The following BRINP3 variants were observed in gnomAD, a reference collection of about 807,000 sequenced individuals.
The protein encoded by BRINP3 is BMP/retinoic acid-inducible neural-specific protein 3.
Under a neutral mutation model 71.0 loss-of-function variants are expected in BRINP3, and 19 were observed. That is an observed-to-expected ratio of 0.27 (90% CI 0.19 to 0.39). BRINP3 has a LOEUF of 0.39. BRINP3 is among the 10% of genes least tolerant of loss of function. The pLI, the probability that BRINP3 is intolerant of heterozygous loss-of-function variation, is 1.00. For missense variants in BRINP3, 959 were observed against 940.8 expected, an observed-to-expected ratio of 1.02 and a Z score of -0.25; for synonymous variants, 380 against 337.7, an observed-to-expected ratio of 1.13 and a Z score of -1.37.
intron 1 of BRINP3, among the ~76,000 whole-genome samples, chr1:190,476,998 AC>A (rs2102734751): frequency 6.6e-6 from 1 of 152,332 alleles, no homozygotes; most frequent in South Asian, 2.1e-4. Flanking sequence ...CTTATCATGA[AC>A]AAATGCTGAC....
In BRINP3 at chr1:190,133,998, T is replaced by C. The variant is rs1336911208; in HGVS notation, c.1184+26670A>G. Among the ~76,000 whole-genome samples the C allele has an allele frequency of 3.9e-5, 6 of 152,214 alleles. No individual in the cohort carries two copies. In the South Asian group the frequency reaches 1.2e-3, roughly 32 times the overall value. On this transcript the variant is annotated intron_variant, in intron 7 of 7. Transcript: ENST00000367462. Reference sequence around the variant, plus strand: ...ACCCCAAAACCACTTACTACATTTCTTGTGTTGGGGGATTTAAAATACAAC... The same window carrying C: ...ACCCCAAAACCACTTACTACATTTCCTGTGTTGGGGGATTTAAAATACAAC...
chr1:190,343,387 T>TA (rs1667797983), intron 2 of BRINP3, among the ~76,000 whole-genome samples: 1 of 151,710 alleles, frequency 6.6e-6, no homozygotes, highest in African/African-American at 2.4e-5. Context: ...AAAACCAAAT[T>TA]AGCCTGATTT....
chr1:190,328,041 A>AT (rs1051212003), intron 2 of BRINP3, among the ~76,000 whole-genome samples: 1 of 152,142 alleles, frequency 6.6e-6, no homozygotes, highest in Non-Finnish European at 1.5e-5. Context: ...CCCCTGAATG[A>AT]TTTTTGGGTA....
intron 2 of BRINP3, among the ~76,000 whole-genome samples, chr1:190,331,246 T>C (rs56218394): frequency 6.6e-6 from 1 of 151,992 alleles, no homozygotes; most frequent in South Asian, 2.1e-4. Flanking sequence ...TTAAAAGATA[T>C]GTAAGTATAT....
At chr1:190,297,925 T>C (rs1490860951) in intron 2 of BRINP3, among the ~76,000 whole-genome samples, 1 of 152,066 alleles carries the variant, frequency 6.6e-6, no homozygotes, top group Non-Finnish European at 1.5e-5. Flanking sequence ...GTAAAATTAT[T>C]GTTAATTCTT....
At chr1:190,244,116 C>G (rs1322535696) in intron 4 of BRINP3, among the ~76,000 whole-genome samples, 1 of 151,934 alleles carries the variant, frequency 6.6e-6, no homozygotes, top group Non-Finnish European at 1.5e-5. Flanking sequence ...CTTAATGTAA[C>G]GAACTTGAAT....
chr1:190,274,361 G>A (rs778828157), intron 3 of BRINP3, among the ~76,000 whole-genome samples: 17 of 150,272 alleles, frequency 1.1e-4, no homozygotes, highest in Non-Finnish European at 2.4e-4. Context: ...TTTACATTCC[G>A]CCCAGAAAAA....
chr1:190,454,724 C>A lies in BRINP3; in HGVS notation c.167G>T (p.Arg56Leu). 2.5e-6 allele frequency: 4 copies of A among 1,614,074 alleles called. No homozygotes were observed. Among genetic ancestry groups the A allele is most frequent in the Non-Finnish European group, 3.4e-6 (4 of 1,180,036 alleles). ...CACAAAATCTGTGTATTCCTGTGAG[C>A]GATGGAAGGGTCCCTTATCAGAGAG... The part of the protein sequence containing the change: ...WLLSDKGPFH[R>L]SQEYTDFVDR... Residue 56 changes from arginine (R) to leucine (L), a missense_variant, in exon 2 of 8, where the codon CGC (arginine) becomes CTC (leucine). Arg to Leu is a moderately radical substitution (Grantham distance 102). Transcript: ENST00000367462.
intron 2 of BRINP3, among the ~76,000 whole-genome samples, chr1:190,304,501 C>CA (rs1191573926): frequency 6.6e-6 from 1 of 151,732 alleles, no homozygotes; most frequent in East Asian, 1.9e-4. Flanking sequence ...TGATTTTTAA[C>CA]AAAGGTGCTA....
At chr1:190,381,382 C>G (rs914699095) in intron 2 of BRINP3, among the ~76,000 whole-genome samples, 4 of 152,076 alleles carry the variant, frequency 2.6e-5, no homozygotes, top group Non-Finnish European at 4.4e-5. Context: ...TTTGGCCTCA[C>G]TAACAATTAT....
intron 1 of BRINP3, among the ~76,000 whole-genome samples, chr1:190,457,572 C>T (rs1676085097): frequency 6.6e-6 from 1 of 152,156 alleles, no homozygotes; most frequent in Non-Finnish European, 1.5e-5. Context: ...TAGAGGTCAC[C>T]TCATCAGTCT....
chr1:190,187,060 C>A (rs1020441097), intron 6 of BRINP3, among the ~76,000 whole-genome samples: 4 of 152,066 alleles, frequency 2.6e-5, no homozygotes, highest in East Asian at 3.9e-4. Flanking sequence ...ATTCTTAGGG[C>A]AAGGGCTTTT....
chr1:190,238,677 C>T, intron 4 of BRINP3, among the ~76,000 whole-genome samples: 1 of 133,486 alleles, frequency 7.5e-6, no homozygotes, highest in South Asian at 2.3e-4. Flanking sequence ...TTCTCATATG[C>T]TGCTGCTGGG....
intron 7 of BRINP3, among the ~76,000 whole-genome samples, chr1:190,159,429 A>T (rs1657152301): frequency 6.6e-6 from 1 of 152,140 alleles, no homozygotes; most frequent in Non-Finnish European, 1.5e-5. Flanking sequence ...TGTTTATAGA[A>T]GCATTATTCA....
At chr1:190,158,356 G>T (rs189521725) in intron 7 of BRINP3, among the ~76,000 whole-genome samples, 1 of 151,982 alleles carries the variant, frequency 6.6e-6, no homozygotes, top group Non-Finnish European at 1.5e-5. Context: ...TTTCTTCCCA[G>T]TCTCAAATAT....
Position 190,265,055 on chromosome 1 carries a change from C to T in BRINP3, c.428G>A (p.Gly143Glu). ...CACAAAAATTGTGAGTGACTCCTCT[C>T]CTGCATTAATAATATTTCAAATTAT... Reference protein sequence around the residue: ...THFLLSATLGGEESLTIFVDK... With the variant: ...THFLLSATLGEEESLTIFVDK... The change falls in exon 4 of 8, where the codon GGA becomes GAA. Residue 143 changes from glycine (G) to glutamate (E), a missense_variant and splice_region_variant. By Grantham distance (98) the Gly-to-Glu change is moderately conservative. Coordinates refer to ENST00000367462, the MANE Select transcript of BRINP3 (RefSeq NM_199051.3). 2 of 1,589,022 alleles carry T rather than the reference C, an allele frequency of 1.3e-6. No homozygotes were observed. Among genetic ancestry groups the T allele is most frequent in the Non-Finnish European group, 1.7e-6 (2 of 1,172,444 alleles).
intron 7 of BRINP3, among the ~76,000 whole-genome samples, chr1:190,150,708 C>CA (rs34817517): frequency 1.3e-5 from 2 of 152,086 alleles, no homozygotes; most frequent in Non-Finnish European, 2.9e-5. Flanking sequence ...ATGAAGCTGA[C>CA]AAAAAAGATT....
intron 2 of BRINP3, among the ~76,000 whole-genome samples, chr1:190,387,441 G>T (rs1670983922): frequency 6.6e-6 from 1 of 151,900 alleles, no homozygotes; most frequent in East Asian, 1.9e-4. Flanking sequence ...TAGCCGCATT[G>T]TACTCTGCTC....
At chr1:190,178,050 C>T (rs1373102797) in intron 6 of BRINP3, among the ~76,000 whole-genome samples, 1 of 151,958 alleles carries the variant, frequency 6.6e-6, no homozygotes, top group Non-Finnish European at 1.5e-5. Context: ...AAATATTATG[C>T]CATTTTATAT....
Sources: allele counts gnomAD v4.1 joint callset (sites outside exome capture counted in the v4.1 genomes callset), GRCh38; gene constraint gnomAD v4.1.1; transcripts MANE v1.5; gene names NCBI Gene and HGNC (gene_info 2026-07-23, HGNC 2026-07-21).